Variants in PRKG1 observed in about 807,000 individuals in gnomAD.
PRKG1 encodes cGMP-dependent protein kinase 1.
Under a neutral mutation model 88.1 loss-of-function variants are expected in PRKG1, and 35 were observed. The ratio of observed to expected loss-of-function variants is 0.40; its 90% CI spans 0.30 to 0.53. PRKG1 has a LOEUF of 0.53. Ranked by LOEUF, PRKG1 falls within the 20% of genes least tolerant of loss-of-function variation. The pLI, the probability that PRKG1 is intolerant of heterozygous loss-of-function variation, is 0.59. For missense variants in PRKG1, 540 were observed against 839.8 expected (o/e 0.64, Z 4.41); for synonymous variants, 303 against 292.5 (o/e 1.04, Z -0.37).
intron 2 of PRKG1, among the ~76,000 whole-genome samples, chr10:51,431,426 T>C (rs1838767751): frequency 6.6e-6 from 1 of 152,174 alleles, no homozygotes; most frequent in African/African-American, 2.4e-5. Flanking sequence ...TGACTTTGAA[T>C]TGGCTAGTTT....
At chr10:51,184,827 G>A (rs7092050) in intron 2 of PRKG1, among the ~76,000 whole-genome samples, 3 of 151,916 alleles carry the variant, frequency 2.0e-5, no homozygotes, top group Admixed American at 1.3e-4. Context: ...CATTTGTTGC[G>A]TACCTCACCC....
At chr10:51,674,325 C>G (rs541384446) in intron 3 of PRKG1, among the ~76,000 whole-genome samples, 4 of 152,176 alleles carry the variant, frequency 2.6e-5, no homozygotes, top group African/African-American at 9.6e-5. Context: ...TATCCCTCCC[C>G]TAGCCCCCAA....
intron 2 of PRKG1, among the ~76,000 whole-genome samples, chr10:51,392,580 C>A (rs1027138742): frequency 6.6e-6 from 1 of 151,830 alleles, no homozygotes; most frequent in Non-Finnish European, 1.5e-5. Context: ...TTTTCCCCAC[C>A]TTTCCCCCCT....
intron 2 of PRKG1, among the ~76,000 whole-genome samples, chr10:51,223,847 A>T (rs74133542): frequency 0.042 from 6,339 of 152,274 alleles, 447 homozygotes; most frequent in African/African-American, 0.14. Flanking sequence ...GCTGAAGAAT[A>T]AATTGAAGCA....
At chr10:51,306,244 A>G (rs1333983836) in intron 2 of PRKG1, among the ~76,000 whole-genome samples, 4 of 152,132 alleles carry the variant, frequency 2.6e-5, no homozygotes, top group African/African-American at 9.7e-5. Context: ...TGGCATTTGT[A>G]CCCAAATTTC....
intron 5 of PRKG1, among the ~76,000 whole-genome samples, chr10:52,014,175 C>T (rs1844973095): frequency 6.6e-6 from 1 of 152,110 alleles, no homozygotes; most frequent in African/African-American, 2.4e-5. Flanking sequence ...TTGCACATTG[C>T]TATAAAGAAA....
intron 3 of PRKG1, among the ~76,000 whole-genome samples, chr10:51,778,315 GTCGTTGTGATCT>G (rs1215611677): frequency 6.6e-6 from 1 of 152,100 alleles, no homozygotes; most frequent in Non-Finnish European, 1.5e-5. Context: ...ATGTTCTCAG[GTCGTTGTGATCT>G]CCTGCTCAAT....
At chr10:51,837,622 G>A (rs755366454) in intron 4 of PRKG1, among the ~76,000 whole-genome samples, 4 of 152,010 alleles carry the variant, frequency 2.6e-5, no homozygotes, top group South Asian at 2.1e-4. Flanking sequence ...GAAATCCTTC[G>A]TGGCTAGGGT....
At chr10:51,153,405 T>C in intron 2 of PRKG1, 75 bp downstream of exon 2, 1 of 1,334,574 alleles carries the variant, frequency 7.5e-7, no homozygotes, top group Non-Finnish European at 1.0e-6. Flanking sequence ...CAGATGGCAA[T>C]GCATTACATG....
At chr10:51,397,297 G>C (rs1837605780) in intron 2 of PRKG1, among the ~76,000 whole-genome samples, 2 of 152,068 alleles carry the variant, frequency 1.3e-5, no homozygotes, top group African/African-American at 4.8e-5. Context: ...GGGCCATCAT[G>C]ATTAACCTTC....
intron 3 of PRKG1, among the ~76,000 whole-genome samples, chr10:51,601,920 T>G (rs571992755): frequency 6.6e-6 from 1 of 152,006 alleles, no homozygotes; most frequent in South Asian, 2.1e-4. Flanking sequence ...AAATGTTTGA[T>G]GCTGACAGCT....
At chr10:51,120,457 C>G (rs746116085) in intron 1 of PRKG1, among the ~76,000 whole-genome samples, 1 of 152,018 alleles carries the variant, frequency 6.6e-6, no homozygotes, top group Non-Finnish European at 1.5e-5. Context: ...ACAATTTTCT[C>G]TCTCTGTCTT....
chr10:51,544,205 C>A (rs1412407828), intron 3 of PRKG1, among the ~76,000 whole-genome samples: 33 of 40,738 alleles, frequency 8.1e-4, no homozygotes, highest in Non-Finnish European at 1.4e-3. Context: ...CCTCCCCCCT[C>A]CCCCACCACC....
chr10:52,208,531 T>C (rs1222627136), intron 9 of PRKG1, among the ~76,000 whole-genome samples: 2 of 152,216 alleles, frequency 1.3e-5, no homozygotes, highest in Admixed American at 1.3e-4. Context: ...AGTTCATCTT[T>C]AAATCAGCAT....
rs180680455 is a variant in PRKG1, at chr10:51,673,664, T to C, written c.593-130921T>C. The stretch of plus-strand genomic sequence containing the variant: ...CACTGTGTTTTTAAAGAATATCTTA[T>C]TTATTGAATGCATGTGGGATATTGT... On this transcript the variant is annotated intron_variant, in intron 3 of 17. Transcript: ENST00000373980. 1.8e-3 allele frequency among the ~76,000 whole-genome samples: 273 copies of C among 152,360 alleles called. 2 individuals carry two copies. The highest frequency in any genetic ancestry group is 5.9e-3 in the African/African-American group (245 of 41,586).
At chr10:51,457,357 AT>A (rs1839613590) in intron 2 of PRKG1, among the ~76,000 whole-genome samples, 1 of 152,192 alleles carries the variant, frequency 6.6e-6, no homozygotes, top group Non-Finnish European at 1.5e-5. Context: ...GTTCTCACTT[AT>A]AAGTGGGAGC....
At chr10:51,467,341 T>G (rs1052743941) in intron 2 of PRKG1, among the ~76,000 whole-genome samples, 7 of 151,992 alleles carry the variant, frequency 4.6e-5, no homozygotes, top group Non-Finnish European at 7.4e-5. Context: ...CTAATGAGAA[T>G]TTTCAAGTAT....
chr10:52,089,804 CTT>C (rs397846439), intron 7 of PRKG1, among the ~76,000 whole-genome samples: 12 of 67,734 alleles, frequency 1.8e-4, no homozygotes, highest in Admixed American at 4.9e-4. Flanking sequence ...TTCTTTCCTT[CTT>C]TTTTTTTTTT....
intron 5 of PRKG1, among the ~76,000 whole-genome samples, chr10:52,039,314 C>A (rs1348033934): frequency 1.3e-5 from 2 of 151,562 alleles, no homozygotes; most frequent in African/African-American, 4.9e-5. Flanking sequence ...CAGTGGGGGT[C>A]GCAAGGTGCT....
Sources: allele counts gnomAD v4.1 joint callset (sites outside exome capture counted in the v4.1 genomes callset), GRCh38; gene constraint gnomAD v4.1.1; transcripts MANE v1.5; gene names NCBI Gene and HGNC (gene_info 2026-07-23, HGNC 2026-07-21).